Variants in NCF2 observed in about 807,000 individuals in gnomAD.
NCF2 encodes neutrophil cytosolic factor 2.
In NCF2, 45 loss-of-function variants were observed where a neutral mutation model predicts 70.9. The ratio of observed to expected loss-of-function variants is 0.63; its 90% CI spans 0.50 to 0.81. The LOEUF is 0.81. Among genes scored for constraint, NCF2 ranks in the 40% least tolerant of loss-of-function variants. NCF2 has a pLI of 0.00. For synonymous variants in NCF2, 203 were observed against 233.6 expected (o/e 0.87, Z 1.19); for missense variants, 522 against 631.6 (o/e 0.83, Z 1.86).
At chr1:183,565,982 A>C (rs2102888051) in intron 9 of NCF2, among the ~76,000 whole-genome samples, 1 of 152,342 alleles carries the variant, frequency 6.6e-6, no homozygotes, top group Non-Finnish European at 1.5e-5. Flanking sequence ...GATGAAAATG[A>C]AAATCACAGT....
intron 10 of NCF2, among the ~76,000 whole-genome samples, chr1:183,564,459 TTAATC>T (rs759826517): frequency 2.3e-4 from 35 of 152,358 alleles, no homozygotes; most frequent in African/African-American, 4.1e-4. Context: ...GTTTATTAAT[TTAATC>T]TAATCTATTA....
chr1:183,558,631 T>C (rs1178166871), intron 14 of NCF2, among the ~76,000 whole-genome samples: 1 of 151,976 alleles, frequency 6.6e-6, no homozygotes, highest in Non-Finnish European at 1.5e-5. Context: ...AGTGGTGCAA[T>C]CTCGGCTCAC....
the NCF2 span, among the ~76,000 whole-genome samples, chr1:183,597,476 T>C: frequency 1.3e-5 from 2 of 152,146 alleles, no homozygotes; most frequent in African/African-American, 4.8e-5. Flanking sequence ...TTTAAAAAAA[T>C]TTAGATTCAG....
chr1:183,563,288 G>T lies in NCF2; in HGVS notation c.1197C>A (p.Ser399Arg), dbSNP rs1672153224. The change falls in exon 13 of 15, where the codon AGC (serine) becomes AGA (arginine). Residue 399 changes from serine (S) to arginine (R), a missense_variant. Transcript: ENST00000367535. ...HTKLSYRPRD[S>R]NELVPLSEDS... ...CTTCTGAAAGGGGCACCAGCTCATT[G>T]CTGTCCCGAGGCCGATAGCTGGGTG... 1 of 1,614,160 alleles carries T rather than the reference G, an allele frequency of 6.2e-7. No homozygotes were observed. Among genetic ancestry groups the T allele is most frequent in the Non-Finnish European group, 8.5e-7 (1 of 1,180,030 alleles).
At chr1:183,562,689 T>C (rs1018748927) in intron 13 of NCF2, among the ~76,000 whole-genome samples, 5 of 151,898 alleles carry the variant, frequency 3.3e-5, no homozygotes, top group Non-Finnish European at 7.4e-5. Context: ...AAAAATTAGC[T>C]GGGTGCAGTG....
chr1:183,596,051 CATGTG>C, the NCF2 span, among the ~76,000 whole-genome samples: 1 of 151,996 alleles, frequency 6.6e-6, no homozygotes, highest in African/African-American at 2.4e-5. Flanking sequence ...TGTTCAAGCA[CATGTG>C]ATTGTAATTA....
intron 2 of NCF2, among the ~76,000 whole-genome samples, chr1:183,584,506 T>C (rs746600651): frequency 1.4e-4 from 22 of 152,340 alleles, no homozygotes; most frequent in Non-Finnish European, 2.4e-4. Flanking sequence ...TTTAGAAGTT[T>C]CCAAGATCTT....
At chr1:183,586,202 C>T (rs982783578) in intron 2 of NCF2, among the ~76,000 whole-genome samples, 5 of 152,120 alleles carry the variant, frequency 3.3e-5, no homozygotes, top group African/African-American at 4.8e-5. Flanking sequence ...GGTGTGGTGG[C>T]GCATGCCTGT....
chr1:183,581,342 A>AGGG (rs1325542030), intron 2 of NCF2, among the ~76,000 whole-genome samples: 1 of 150,378 alleles, frequency 6.6e-6, no homozygotes, highest in Non-Finnish European at 1.5e-5. Flanking sequence ...CCAAAAAAAC[A>AGGG]GGGTGGGGCC....
intron 13 of NCF2, among the ~76,000 whole-genome samples, chr1:183,560,998 T>C (rs1250780309): frequency 6.6e-6 from 1 of 152,224 alleles, no homozygotes; most frequent in African/African-American, 2.4e-5. Flanking sequence ...AGAAACTCCC[T>C]GAAGGTGAAT....
intron 7 of NCF2, among the ~76,000 whole-genome samples, chr1:183,568,672 C>T (rs1184123325): frequency 2.0e-5 from 3 of 150,228 alleles, no homozygotes; most frequent in African/African-American, 7.4e-5. Flanking sequence ...GGAAAAAGGA[C>T]GTCATTCTAG....
chr1:183,595,158 T>A (rs1234361553), upstream of NCF2, among the ~76,000 whole-genome samples: 3 of 152,196 alleles, frequency 2.0e-5, no homozygotes, highest in Admixed American at 2.0e-4. Flanking sequence ...AGAACGCACT[T>A]TTTTGCCGTC....
chr1:183,597,817 CTGAA>C, the NCF2 span: 1 of 152,234 alleles, frequency 6.6e-6, no homozygotes, highest in African/African-American at 2.4e-5. Flanking sequence ...TGCTGAATCA[CTGAA>C]TGAATGAACA....
chr1:183,593,891 T>A (rs1185965018), upstream of NCF2, among the ~76,000 whole-genome samples: 1 of 152,154 alleles, frequency 6.6e-6, no homozygotes, highest in Non-Finnish European at 1.5e-5. Flanking sequence ...CTGCTAAGAA[T>A]TTCTGGGAAA....
At chr1:183,566,351 T>C (rs962917958) in intron 9 of NCF2, among the ~76,000 whole-genome samples, 1 of 152,206 alleles carries the variant, frequency 6.6e-6, no homozygotes, top group Non-Finnish European at 1.5e-5. Context: ...AGCAGCAGTT[T>C]AGAAGCAGTG....
chr1:183,599,482 CTCTTTT>C, the NCF2 span, among the ~76,000 whole-genome samples: 17 of 72,944 alleles, frequency 2.3e-4, no homozygotes, highest in African/African-American at 9.3e-4. Flanking sequence ...TTCTTTCTTT[CTCTTTT>C]CTTTCTTTCT....
upstream of NCF2, among the ~76,000 whole-genome samples, chr1:183,592,397 A>G (rs957606847): frequency 1.3e-5 from 2 of 152,212 alleles, no homozygotes; most frequent in African/African-American, 4.8e-5. Flanking sequence ...TCTGGGTAGT[A>G]GGAGAATTTT....
chr1:183,565,819 A>G (rs1194234971), intron 9 of NCF2, 40 bp from the exon 10 acceptor site: 3 of 1,603,522 alleles, frequency 1.9e-6, no homozygotes, highest in Non-Finnish European at 1.7e-6. Flanking sequence ...CCTTCATTCA[A>G]AGTTCCCAGG....
intron 5 of NCF2, 120 bp downstream of exon 5, chr1:183,573,065 C>T (rs1425024662): frequency 1.1e-6 from 1 of 897,796 alleles, no homozygotes; most frequent in East Asian, 2.4e-5. Context: ...ACAAGTCTCT[C>T]ATTGCCATCC....
Sources: gnomAD v4.1 joint callset for allele counts (sites outside exome capture counted in the v4.1 genomes callset) on GRCh38, gnomAD v4.1.1 for gene constraint, MANE v1.5 for transcripts, NCBI Gene and HGNC (gene_info 2026-07-23, HGNC 2026-07-21) for gene names.